GALNT13: variants seen among roughly 807,000 people sequenced by gnomAD.
GALNT13 encodes polypeptide N-acetylgalactosaminyltransferase 13, also known as UDP-GalNAc:polypeptide N-acetylgalactosaminyltransferase 13.
In GALNT13, 28 loss-of-function variants were observed where a neutral mutation model predicts 64.2. The ratio of observed to expected loss-of-function variants is 0.44; its 90% confidence interval spans 0.32 to 0.60. GALNT13 has a LOEUF of 0.60. GALNT13 is among the 20% of genes least tolerant of loss of function. The pLI is 0.05. For missense variants in GALNT13, 577 were observed against 669.8 expected (o/e 0.86, Z 1.53); for synonymous variants, 214 against 224.6 (o/e 0.95, Z 0.42).
Position 153,943,781 on chromosome 2 carries a change from C to T in GALNT13, c.-104-613C>T, listed in dbSNP as rs149527158. ...AAGTGTTGGGATTACAGGCGTGAGC[C>T]GCCGTGCCCAGCTCTGTTTTATGTT... On this transcript the variant is annotated intron_variant, in intron 2 of 12. Coordinates refer to ENST00000392825, the MANE Select transcript of GALNT13 (RefSeq NM_052917.4). Among the ~76,000 whole-genome samples the T allele has an allele frequency of 3.3e-3, 503 of 152,302 alleles. 2 individuals are homozygous for T. The highest frequency in any genetic ancestry group is 8.9e-3 in the South Asian group (43 of 4,826).
At chr2:154,179,576 G>T (rs913984425) in intron 4 of GALNT13, among the ~76,000 whole-genome samples, 1 of 152,032 alleles carries the variant, frequency 6.6e-6, no homozygotes, top group African/African-American at 2.4e-5. Flanking sequence ...CCTGATTTTT[G>T]CAGGGTTGTA....
In GALNT13 at chr2:154,181,057, C is replaced by T. The variant is rs966838941; in HGVS notation, c.311+40552C>T. Among the ~76,000 whole-genome samples the T allele has an allele frequency of 2.6e-5, 4 of 152,304 alleles. No individual in the cohort carries two copies. The East Asian group carries it at 5.8e-4, about 22-fold the overall frequency. ...CAACTTTTCATATCTGTGGTTTTCA[C>T]AGGGCCAACTGATAGACTTGAATAT... On this transcript the variant is annotated intron_variant, in intron 4 of 12. Transcript: ENST00000392825.
At chr2:153,908,258 G>T (rs1688714848) in intron 2 of GALNT13, among the ~76,000 whole-genome samples, 1 of 151,872 alleles carries the variant, frequency 6.6e-6, no homozygotes, top group African/African-American at 2.4e-5. Context: ...CTTTTTCATT[G>T]TAATTTAAGT....
intron 3 of GALNT13, among the ~76,000 whole-genome samples, chr2:154,130,638 G>T (rs995407383): frequency 6.6e-6 from 1 of 152,048 alleles, no homozygotes. Flanking sequence ...TTGGAGCTCT[G>T]TTAGATATTT....
At chr2:153,623,953 A>G in the GALNT13 span, among the ~76,000 whole-genome samples, 11 of 152,084 alleles carry the variant, frequency 7.2e-5, no homozygotes, top group African/African-American at 2.7e-4. Flanking sequence ...TGCCCATCTC[A>G]TGCACATGTT....
chr2:153,330,749 C>A, the GALNT13 span, among the ~76,000 whole-genome samples: 2 of 152,036 alleles, frequency 1.3e-5, no homozygotes, highest in Non-Finnish European at 2.9e-5. Context: ...ATCTTCATTT[C>A]CCATTCGTAT....
In GALNT13 at chr2:154,259,103, A is replaced by T; in HGVS notation, c.940A>T (p.Ile314Phe). ...EIGTYDAGMD[I>F]WGGENLEMSF... The stretch of plus-strand genomic sequence containing the variant: ...AGGAACTTACGATGCAGGAATGGAT[A>T]TCTGGGGTGGAGAGAATCTTGAAAT... The change falls in exon 8 of 13, where the codon ATC becomes TTC. Residue 314 changes from isoleucine (I) to phenylalanine (F), a missense_variant. By Grantham distance (21) the Ile-to-Phe change is conservative. Coordinates refer to ENST00000392825, the MANE Select transcript of GALNT13 (RefSeq NM_052917.4). The T allele has an allele frequency of 5.6e-6, 9 of 1,603,106 alleles. No homozygotes were observed. Among genetic ancestry groups the T allele is most frequent in the Non-Finnish European group, 7.7e-6 (9 of 1,173,052 alleles).
chr2:153,584,138 T>C, the GALNT13 span, among the ~76,000 whole-genome samples: 2 of 152,134 alleles, frequency 1.3e-5, no homozygotes, highest in African/African-American at 4.8e-5. Context: ...GTTGGGTTCA[T>C]ACCACCCTCC....
chr2:153,127,858 G>A, the GALNT13 span, among the ~76,000 whole-genome samples: 1 of 152,152 alleles, frequency 6.6e-6, no homozygotes, highest in Admixed American at 6.6e-5. Context: ...CAACTGATGA[G>A]CACCTTAAAG....
At chr2:153,203,960 A>G in the GALNT13 span, among the ~76,000 whole-genome samples, 2 of 152,204 alleles carry the variant, frequency 1.3e-5, no homozygotes, top group South Asian at 2.1e-4. Context: ...GCCATATTTG[A>G]GAGTATGAGA....
At chr2:153,829,409 A>G in the GALNT13 span, among the ~76,000 whole-genome samples, 1 of 152,096 alleles carries the variant, frequency 6.6e-6, no homozygotes, top group Non-Finnish European at 1.5e-5. Context: ...CTCATCTTAC[A>G]TAGATGGCAG....
chr2:153,524,765 C>A, the GALNT13 span, among the ~76,000 whole-genome samples: 1 of 152,168 alleles, frequency 6.6e-6, no homozygotes, highest in Admixed American at 6.5e-5. Flanking sequence ...AGCCTGATCA[C>A]CATGGGCTAA....
chr2:153,359,206 C>T, the GALNT13 span, among the ~76,000 whole-genome samples: 3 of 152,050 alleles, frequency 2.0e-5, no homozygotes, highest in Non-Finnish European at 2.9e-5. Context: ...AAGTTTATAT[C>T]GAACTGGAAT....
chr2:153,163,799 C>T, the GALNT13 span, among the ~76,000 whole-genome samples: 4 of 152,102 alleles, frequency 2.6e-5, no homozygotes, highest in Non-Finnish European at 4.4e-5. Context: ...GCGGGCGGAT[C>T]ACGAGGTCAG....
At chr2:153,699,316 T>C in the GALNT13 span, among the ~76,000 whole-genome samples, 3 of 152,214 alleles carry the variant, frequency 2.0e-5, no homozygotes, top group Admixed American at 6.5e-5. Flanking sequence ...AACCTACCAG[T>C]ATCTCTGGGA....
chr2:154,438,565 T>G, intron 11 of GALNT13, 27 bp from the exon 12 acceptor site: 1 of 1,568,086 alleles, frequency 6.4e-7, no homozygotes, highest in South Asian at 1.1e-5. Context: ...CATACATTTT[T>G]TTTATTAGCT....
intron 3 of GALNT13, among the ~76,000 whole-genome samples, chr2:153,980,586 T>A (rs1387796986): frequency 6.6e-6 from 1 of 152,276 alleles, no homozygotes; most frequent in East Asian, 1.9e-4. Flanking sequence ...TAGTCTTGGA[T>A]AGGTTGCACT....
chr2:153,490,959 CAAAAAA>C, the GALNT13 span, among the ~76,000 whole-genome samples: 1 of 96,060 alleles, frequency 1.0e-5, no homozygotes, highest in Non-Finnish European at 2.3e-5. Context: ...GACTCTGTCT[CAAAAAA>C]AAAAAAAAAA....
At chr2:154,270,706 CT>C (rs890473281) in intron 8 of GALNT13, among the ~76,000 whole-genome samples, 2 of 150,822 alleles carry the variant, frequency 1.3e-5, no homozygotes, top group African/African-American at 4.9e-5. Context: ...TGCACTGAAC[CT>C]TTTTTTTTCT....
Sources: allele counts gnomAD v4.1 joint callset (sites outside exome capture counted in the v4.1 genomes callset), GRCh38; gene constraint gnomAD v4.1.1; transcripts MANE v1.5; gene names NCBI Gene and HGNC (gene_info 2026-07-23, HGNC 2026-07-21).